Variants in CNTN4 observed in about 807,000 individuals in gnomAD.
The protein encoded by CNTN4 is contactin 4.
A neutral mutation model predicts 122.5 loss-of-function variants in CNTN4; 77 were observed. The ratio of observed to expected loss-of-function variants is 0.63; its 90% CI spans 0.52 to 0.76. CNTN4 has a LOEUF of 0.76. CNTN4 is among the 30% of genes least tolerant of loss of function. The probability of loss-of-function intolerance (pLI) is 0.00; values close to 1 mark genes in which losing one functional copy is unlikely to be tolerated. For missense variants in CNTN4, 1,256 were observed against 1,259.1 expected (o/e 1.00, Z 0.04); for synonymous variants, 512 against 447.0 (o/e 1.15, Z -1.83).
chr3:2,705,115 T>A (rs1226650628), intron 4 of CNTN4, among the ~76,000 whole-genome samples: 1 of 151,724 alleles, frequency 6.6e-6, no homozygotes, highest in East Asian at 1.9e-4. Flanking sequence ...ATAAGAATTC[T>A]CAGCTGGCTT....
chr3:2,419,105 A>G (rs924906328), intron 3 of CNTN4, among the ~76,000 whole-genome samples: 1 of 152,208 alleles, frequency 6.6e-6, no homozygotes, highest in African/African-American at 2.4e-5. Flanking sequence ...TAATTTCTAA[A>G]AATTGGATAC....
At chr3:2,992,801 G>T (rs1369970122) in intron 14 of CNTN4, among the ~76,000 whole-genome samples, 1 of 152,114 alleles carries the variant, frequency 6.6e-6, no homozygotes, top group Admixed American at 6.5e-5. Flanking sequence ...GCAACTGGTG[G>T]TTCCAGACTA....
chr3:2,571,313 T>C (rs1383905680), intron 3 of CNTN4, 103 bp from the exon 4 acceptor site: 1 of 626,032 alleles, frequency 1.6e-6, no homozygotes, highest in Non-Finnish European at 2.9e-6. Flanking sequence ...AATGGTACTT[T>C]CCCACAAGTG....
chr3:2,854,474 T>C (rs2093596924), intron 7 of CNTN4, among the ~76,000 whole-genome samples: 2 of 151,932 alleles, frequency 1.3e-5, no homozygotes, highest in Admixed American at 6.6e-5. Flanking sequence ...GGTTTCTCCA[T>C]GTTGGCCGGG....
chr3:2,934,823 C>T (rs1428612351), intron 13 of CNTN4, among the ~76,000 whole-genome samples: 1 of 152,232 alleles, frequency 6.6e-6, no homozygotes, highest in Non-Finnish European at 1.5e-5. Flanking sequence ...GCAACAGGAG[C>T]GTCATTGCTC....
intron 4 of CNTN4, among the ~76,000 whole-genome samples, chr3:2,684,512 G>C (rs1443539243): frequency 6.6e-6 from 1 of 152,116 alleles, no homozygotes; most frequent in African/African-American, 2.4e-5. Flanking sequence ...CTACAGTAGA[G>C]TCTAATGCTG....
chr3:2,696,212 C>G (rs1372920542), intron 4 of CNTN4, among the ~76,000 whole-genome samples: 1 of 152,156 alleles, frequency 6.6e-6, no homozygotes, highest in East Asian at 1.9e-4. Context: ...CTATAATGAC[C>G]TGAAGTGTTA....
chr3:2,537,697 G>T (rs1050662204), intron 3 of CNTN4, among the ~76,000 whole-genome samples: 1 of 152,022 alleles, frequency 6.6e-6, no homozygotes, highest in African/African-American at 2.4e-5. Context: ...TGGTCTTATG[G>T]ACCACGATCA....
intron 2 of CNTN4, among the ~76,000 whole-genome samples, chr3:2,333,756 C>G (rs4525849): frequency 6.6e-6 from 1 of 152,120 alleles, no homozygotes; most frequent in East Asian, 1.9e-4. Context: ...TAAATGTAAT[C>G]TGTTGCTTAG....
At chr3:2,818,460 G>C (rs1282163215) in intron 6 of CNTN4, among the ~76,000 whole-genome samples, 1 of 152,148 alleles carries the variant, frequency 6.6e-6, no homozygotes. Context: ...CTCTGCTCTA[G>C]TGTGCACAGC....
intron 6 of CNTN4, among the ~76,000 whole-genome samples, chr3:2,757,524 C>G (rs920690984): frequency 2.0e-5 from 3 of 152,160 alleles, no homozygotes; most frequent in Non-Finnish European, 2.9e-5. Context: ...TGTGGTCTCT[C>G]AAGCGATGTT....
At chr3:2,964,806 C>T (rs1692134693) in intron 13 of CNTN4, among the ~76,000 whole-genome samples, 1 of 152,184 alleles carries the variant, frequency 6.6e-6, no homozygotes, top group Non-Finnish European at 1.5e-5. Flanking sequence ...AGAAAACTGA[C>T]ACCTTTAATT....
At chr3:2,593,001 G>T (rs1443619755) in intron 4 of CNTN4, among the ~76,000 whole-genome samples, 1 of 152,100 alleles carries the variant, frequency 6.6e-6, no homozygotes, top group Non-Finnish European at 1.5e-5. Flanking sequence ...AATTTGAATT[G>T]GATATGTTTA....
intron 2 of CNTN4, among the ~76,000 whole-genome samples, chr3:2,229,111 T>C (rs1032363889): frequency 1.5e-4 from 23 of 152,178 alleles, no homozygotes; most frequent in African/African-American, 5.3e-4. Context: ...ATTCATTTAT[T>C]GTAGAAAAAA....
rs2086996632 is a variant in CNTN4 at position 2,709,682 on chromosome 3, G to C, written c.56-26533G>C. On this transcript the variant is annotated intron_variant, in intron 4 of 24. Coordinates refer to ENST00000418658, the MANE Select transcript of CNTN4 (RefSeq NM_175607.3). The surrounding 1 kb of genome is among the most constrained non-coding windows in gnomAD (Gnocchi z 5.0). ...TAACCGCAGCACTTTGGGAGGCTGAGGCAGGTGGATCACTTGAGGTCAGGA... is the reference window on the plus strand; with the variant it reads ...TAACCGCAGCACTTTGGGAGGCTGACGCAGGTGGATCACTTGAGGTCAGGA... Among the ~76,000 whole-genome samples, 1 of 152,168 alleles carries C rather than the reference G, an allele frequency of 6.6e-6. No individual in the cohort carries two copies. Among genetic ancestry groups the C allele is most frequent in the African/African-American group, 2.4e-5 (1 of 41,428 alleles).
chr3:2,695,292 T>C (rs1224242743), intron 4 of CNTN4, among the ~76,000 whole-genome samples: 1 of 152,194 alleles, frequency 6.6e-6, no homozygotes, highest in African/African-American at 2.4e-5. Flanking sequence ...GTAAGCTTTG[T>C]ACTGCCTCTC....
intron 6 of CNTN4, among the ~76,000 whole-genome samples, chr3:2,776,183 G>C (rs2091307699): frequency 6.6e-6 from 1 of 151,946 alleles, no homozygotes; most frequent in Admixed American, 6.6e-5. Context: ...CTCTTATATT[G>C]GCAAGGTCTG....
At chr3:3,030,749 A>C (rs1297210898) in intron 15 of CNTN4, 106 bp from the exon 16 acceptor site, 2 of 1,332,034 alleles carry the variant, frequency 1.5e-6, no homozygotes, top group East Asian at 2.3e-5. Context: ...TAATGCTTTC[A>C]TCAGCCAGTG....
intron 7 of CNTN4, among the ~76,000 whole-genome samples, chr3:2,850,234 C>T (rs1682090858): frequency 6.6e-6 from 1 of 152,120 alleles, no homozygotes; most frequent in African/African-American, 2.4e-5. Context: ...ATCATCCACC[C>T]ACCTGAGTCT....
Sources: gnomAD v4.1 joint callset for allele counts (sites outside exome capture counted in the v4.1 genomes callset) on GRCh38, gnomAD v4.1.1 for gene constraint, Gnocchi (gnomAD v3.1) non-coding constraint, MANE v1.5 for transcripts, NCBI Gene and HGNC (gene_info 2026-07-23, HGNC 2026-07-21) for gene names.